The following MAGI2 variants were observed in gnomAD, a reference collection of about 807,000 sequenced individuals.
The protein encoded by MAGI2 is membrane associated guanylate kinase, WW and PDZ domain containing 2.
MAGI2 carries 35 observed loss-of-function variants against 133.3 expected under a neutral mutation model. The ratio of observed to expected loss-of-function variants is 0.26; its 90% CI spans 0.20 to 0.35. MAGI2 has a LOEUF of 0.35. Among genes scored for constraint, MAGI2 ranks in the 10% least tolerant of loss-of-function variants. The probability of loss-of-function intolerance (pLI) is 1.00; values close to 1 mark genes in which losing one functional copy is unlikely to be tolerated. For missense variants in MAGI2, 1,636 were observed against 1,863.4 expected (o/e 0.88, Z 2.25); for synonymous variants, 729 against 710.6 (o/e 1.03, Z -0.41).
intron 1 of MAGI2, among the ~76,000 whole-genome samples, chr7:79,436,279 A>G (rs553171297): frequency 6.6e-6 from 1 of 151,988 alleles, no homozygotes; most frequent in African/African-American, 2.4e-5. Context: ...GCTTCTGGAC[A>G]TGAGCCTTGA....
intron 1 of MAGI2, among the ~76,000 whole-genome samples, chr7:79,230,401 C>T (rs1470139853): frequency 6.6e-6 from 1 of 151,774 alleles, no homozygotes; most frequent in Non-Finnish European, 1.5e-5. Flanking sequence ...AGTTTACAGT[C>T]CCACCAACAG....
At chr7:78,339,818 T>C (rs1379252379) in intron 9 of MAGI2, among the ~76,000 whole-genome samples, 2 of 152,222 alleles carry the variant, frequency 1.3e-5, no homozygotes, top group Non-Finnish European at 2.9e-5. Flanking sequence ...TTTATAACAG[T>C]AGCGTTTGGA....
chr7:79,158,999 TATAC>T lies in MAGI2; in HGVS notation c.302-151797_302-151794del, dbSNP rs1439653528. 3.1e-4 allele frequency among the ~76,000 whole-genome samples: 47 copies of T among 152,164 alleles called. 1 individual carries two copies. The highest frequency in any genetic ancestry group is 9.6e-4 in the African/African-American group (40 of 41,562). On this transcript the variant is annotated intron_variant, in intron 1 of 21. Coordinates refer to ENST00000354212, the MANE Select transcript of MAGI2 (RefSeq NM_012301.4). ...CTTGTTTATACATGTTATACAAGGT[TATAC>T]AGGTTATACAAGGTATACACAAGTT... is the stretch of plus-strand genomic sequence containing the variant.
Position 79,077,114 on chromosome 7 carries a change from A to G in MAGI2, c.302-69908T>C, listed in dbSNP as rs576917802. On this transcript the variant is annotated intron_variant, in intron 1 of 21. Transcript: ENST00000354212. ...TATAAAGCTCATTTGTTACAGCAGC[A>G]GAGGCAGAAGAGGTGATTCTGTCCA... Among the ~76,000 whole-genome samples, 58 of 152,328 alleles carry G rather than the reference A, an allele frequency of 3.8e-4. No homozygotes were observed. In the Middle Eastern group the frequency reaches 0.01, roughly 27 times the overall value.
rs565212466 is a variant in MAGI2 at position 78,801,097 on chromosome 7, T to C, written c.419-173858A>G. Among the ~76,000 whole-genome samples, 60 of 152,296 alleles carry C rather than the reference T, an allele frequency of 3.9e-4. 1 individual carries two copies. The highest frequency in any genetic ancestry group is 6.8e-3 in the Middle Eastern group (2 of 294). ...GTTTGATCATATTTGGGCAATGCATTGTATTGCTGGTTAAGAAAAATGAAT... is the reference window on the plus strand; with the variant it reads ...GTTTGATCATATTTGGGCAATGCATCGTATTGCTGGTTAAGAAAAATGAAT... On this transcript the variant is annotated intron_variant, in intron 2 of 21. Transcript: ENST00000354212.
chr7:79,269,692 C>T (rs773371931), intron 1 of MAGI2, among the ~76,000 whole-genome samples: 1 of 152,130 alleles, frequency 6.6e-6, no homozygotes, highest in African/African-American at 2.4e-5. Flanking sequence ...TAGTTGACCC[C>T]ATCTTGCTTG....
At chr7:78,534,646 G>A (rs574629690) in intron 3 of MAGI2, among the ~76,000 whole-genome samples, 1 of 152,302 alleles carries the variant, frequency 6.6e-6, no homozygotes, top group South Asian at 2.1e-4. Context: ...AGTTTGAAAT[G>A]AAGTTTTGTT....
chr7:78,586,958 T>G (rs527933599), intron 3 of MAGI2, among the ~76,000 whole-genome samples: 1 of 152,340 alleles, frequency 6.6e-6, no homozygotes, highest in East Asian at 1.9e-4. Flanking sequence ...ATACCACATT[T>G]TGTTTATCTG....
intron 2 of MAGI2, among the ~76,000 whole-genome samples, chr7:78,923,373 A>T (rs1460620210): frequency 6.6e-6 from 1 of 152,176 alleles, no homozygotes; most frequent in Admixed American, 6.5e-5. Flanking sequence ...TTTTTGTATA[A>T]GGTGTAAGGA....
intron 9 of MAGI2, among the ~76,000 whole-genome samples, chr7:78,313,774 A>C (rs984682691): frequency 1.3e-5 from 2 of 152,110 alleles, no homozygotes; most frequent in African/African-American, 2.4e-5. Context: ...AGACGGAAAA[A>C]AAATCATATG....
At chr7:78,376,216 A>G (rs568965109) in intron 6 of MAGI2, among the ~76,000 whole-genome samples, 1 of 152,248 alleles carries the variant, frequency 6.6e-6, no homozygotes, top group East Asian at 1.9e-4. Flanking sequence ...AGGAAAATAA[A>G]CAACTAAACC....
At chr7:78,363,679 A>G (rs4476926) in intron 7 of MAGI2, among the ~76,000 whole-genome samples, 23,591 of 151,938 alleles carry the variant, frequency 0.16, 2,369 homozygotes, top group East Asian at 0.44. Flanking sequence ...AAGTAATGCC[A>G]AAAGGAGAAG....
intron 2 of MAGI2, among the ~76,000 whole-genome samples, chr7:78,982,506 G>A (rs1308890929): frequency 2.0e-5 from 3 of 151,476 alleles, no homozygotes; most frequent in Admixed American, 1.3e-4. Context: ...TTTTCATTTA[G>A]CAGTTAATTT....
chr7:79,443,965 T>C (rs1412937339), intron 1 of MAGI2, among the ~76,000 whole-genome samples: 1 of 152,182 alleles, frequency 6.6e-6, no homozygotes, highest in East Asian at 1.9e-4. Context: ...TATAAGGCAG[T>C]TATGAGGTTG....
chr7:79,222,081 T>C (rs1215050899), intron 1 of MAGI2, among the ~76,000 whole-genome samples: 1 of 152,062 alleles, frequency 6.6e-6, no homozygotes, highest in Non-Finnish European at 1.5e-5. Flanking sequence ...TATGCAGTTA[T>C]GTTTAAAAAA....
chr7:78,028,275 G>A (rs1417223978), intron 21 of MAGI2, among the ~76,000 whole-genome samples: 1 of 152,200 alleles, frequency 6.6e-6, no homozygotes, highest in Non-Finnish European at 1.5e-5. Context: ...TATTACCAGA[G>A]ATGTAAACTA....
chr7:78,134,989 C>T lies in MAGI2; in HGVS notation c.3031+32G>A, dbSNP rs113153679. 806 of 1,600,098 alleles carry T rather than the reference C, an allele frequency of 5.0e-4. 3 individuals carry two copies. The African/African-American group carries it at 8.3e-3, about 17-fold the overall frequency. Reference sequence around the variant, plus strand: ...CCGGTGAGTGTGTCCATGTGTTGGCCGCCTCTCTGCAAGGCTGCCTCAGGC... The same window carrying T: ...CCGGTGAGTGTGTCCATGTGTTGGCTGCCTCTCTGCAAGGCTGCCTCAGGC... On this transcript the variant is annotated intron_variant, in intron 17 of 21. Coordinates refer to ENST00000354212, the MANE Select transcript of MAGI2 (RefSeq NM_012301.4).
chr7:78,456,710 T>G (rs1032405338), intron 6 of MAGI2, among the ~76,000 whole-genome samples: 6 of 152,022 alleles, frequency 3.9e-5, no homozygotes, highest in Admixed American at 1.3e-4. Flanking sequence ...CCTACGGACG[T>G]AGGGATGGGA....
At chr7:78,306,792 A>C (rs1013696408) in intron 9 of MAGI2, among the ~76,000 whole-genome samples, 1 of 152,150 alleles carries the variant, frequency 6.6e-6, no homozygotes, top group Admixed American at 6.6e-5. Flanking sequence ...TGAGTCCTGA[A>C]AGTCATTGGT....
Sources: gnomAD v4.1 joint callset for allele counts (sites outside exome capture counted in the v4.1 genomes callset) on GRCh38, gnomAD v4.1.1 for gene constraint, MANE v1.5 for transcripts, NCBI Gene and HGNC (gene_info 2026-07-23, HGNC 2026-07-21) for gene names.